Variants in EXOC4 observed in about 807,000 individuals in gnomAD.
EXOC4 encodes the protein exocyst complex component 4, also known as SEC8-like 1.
In EXOC4, 71 loss-of-function variants were observed where a neutral mutation model predicts 107.2. The ratio of observed to expected loss-of-function variants is 0.66; its 90% confidence interval spans 0.55 to 0.81. The LOEUF is 0.81. Ranked by LOEUF, EXOC4 falls within the 30% of genes least tolerant of loss-of-function variation. EXOC4 has a pLI of 0.00. For missense variants in EXOC4, 1,108 were observed against 1,189.6 expected (o/e 0.93, Z 1.01); for synonymous variants, 456 against 441.2 (o/e 1.03, Z -0.42).
At chr7:134,086,443 G>A in the EXOC4 span, among the ~76,000 whole-genome samples, 57 of 152,102 alleles carry the variant, frequency 3.7e-4, no homozygotes, top group Non-Finnish European at 7.4e-4. Flanking sequence ...AGTATGTAGG[G>A]GAGCAAACAT....
chr7:133,898,414 C>T (rs1293657114), intron 12 of EXOC4, among the ~76,000 whole-genome samples: 1 of 152,028 alleles, frequency 6.6e-6, no homozygotes, highest in Non-Finnish European at 1.5e-5. Flanking sequence ...GTACCAACGT[C>T]TCATCTACCA....
chr7:133,659,340 C>A (rs967471447), intron 10 of EXOC4, among the ~76,000 whole-genome samples: 9 of 151,932 alleles, frequency 5.9e-5, no homozygotes, highest in African/African-American at 2.2e-4. Flanking sequence ...CAGTTGTCTG[C>A]CTGTGTTTGC....
At chr7:133,561,144 GT>G (rs1056401229) in intron 9 of EXOC4, among the ~76,000 whole-genome samples, 2 of 152,130 alleles carry the variant, frequency 1.3e-5, no homozygotes, top group African/African-American at 4.8e-5. Flanking sequence ...CTGTTTTAGG[GT>G]ACCTCTGTTT....
chr7:133,757,169 C>T (rs981080107), intron 10 of EXOC4, among the ~76,000 whole-genome samples: 3 of 152,070 alleles, frequency 2.0e-5, no homozygotes, highest in Non-Finnish European at 2.9e-5. Context: ...GGGCCCTCTT[C>T]TTACATGGGA....
At chr7:133,503,993 A>G (rs748630716) in intron 9 of EXOC4, among the ~76,000 whole-genome samples, 90 of 150,764 alleles carry the variant, frequency 6.0e-4, no homozygotes, top group East Asian at 9.7e-4. Context: ...ATATGTGTGT[A>G]TATATATATA....
intron 9 of EXOC4, among the ~76,000 whole-genome samples, chr7:133,498,528 T>C (rs1730975542): frequency 2.0e-5 from 3 of 152,128 alleles, no homozygotes. Context: ...GAGCTTGCAG[T>C]GAGCCGAGAT....
rs10224976 is a variant in EXOC4, at chr7:133,540,500, G to T, written c.1417+60362G>T. Among the ~76,000 whole-genome samples, 263 of 152,264 alleles carry T rather than the reference G, an allele frequency of 1.7e-3. 2 individuals carry two copies. Among genetic ancestry groups the T allele is most frequent in the African/African-American group, 5.9e-3 (244 of 41,554 alleles). ...ACACTAATAAGTTTTCCATGCATGG[G>T]TTCATTTTTATAACCAATTGCTAAA... On this transcript the variant is annotated intron_variant, in intron 9 of 17. Coordinates refer to ENST00000253861, the MANE Select transcript of EXOC4 (RefSeq NM_021807.4).
rs560298045 is a variant in EXOC4, at chr7:133,621,066, A to C, written c.1418-8979A>C. ...CATTTTCAGACTCCATTATAGAAAC[A>C]TTGGGCACTGCTGCTAATGGATCCT... is the stretch of plus-strand genomic sequence containing the variant. On this transcript the variant is annotated intron_variant, in intron 9 of 17. Coordinates refer to ENST00000253861, the MANE Select transcript of EXOC4 (RefSeq NM_021807.4). Among the ~76,000 whole-genome samples, 3 of 152,306 alleles carry C rather than the reference A, an allele frequency of 2.0e-5. No homozygotes were observed. In the South Asian group the frequency reaches 6.2e-4, roughly 32 times the overall value.
At chr7:133,836,826 T>G (rs1797928313) in intron 11 of EXOC4, among the ~76,000 whole-genome samples, 1 of 152,172 alleles carries the variant, frequency 6.6e-6, no homozygotes, top group East Asian at 1.9e-4. Flanking sequence ...TTATGTTGGA[T>G]GCTTTATTTT....
At chr7:133,878,792 T>G (rs572920783) in intron 11 of EXOC4, among the ~76,000 whole-genome samples, 1 of 152,266 alleles carries the variant, frequency 6.6e-6, no homozygotes, top group South Asian at 2.1e-4. Flanking sequence ...GGCGCGATCT[T>G]GGCTCACTGC....
chr7:133,520,814 C>T (rs981926029), intron 9 of EXOC4, among the ~76,000 whole-genome samples: 2 of 152,038 alleles, frequency 1.3e-5, no homozygotes, highest in Non-Finnish European at 2.9e-5. Flanking sequence ...CTTTCTCTAT[C>T]GCCTTCTCCA....
intron 10 of EXOC4, among the ~76,000 whole-genome samples, chr7:133,648,253 C>G (rs1803042449): frequency 6.6e-6 from 1 of 152,160 alleles, no homozygotes; most frequent in Non-Finnish European, 1.5e-5. Flanking sequence ...TGTGATTCCC[C>G]TGTTAGCATA....
Position 134,065,017 on chromosome 7 carries a change from C to G in EXOC4, c.*489C>G, listed in dbSNP as rs550963557. The G allele has an allele frequency of 6.5e-6, 1 of 152,748 alleles. No homozygotes were observed. The highest frequency in any genetic ancestry group is 1.5e-5 in the Non-Finnish European group (1 of 68,038). The allele number at this position is 152,748 out of a possible 1,614,324, so 9.5% of individuals were successfully genotyped here. A position where few individuals can be genotyped will look rare whatever the true frequency, so the allele number is the denominator to read the frequency against. ...GAAATAAGTGTATGTGCATTGCTGT[C>G]TGTCTCTATTGCCAAAATCAAATAA... On this transcript the variant is annotated 3_prime_UTR_variant, in exon 18 of 18. Transcript: ENST00000253861.
intron 10 of EXOC4, among the ~76,000 whole-genome samples, chr7:133,634,523 T>C (rs982578156): frequency 6.6e-6 from 1 of 152,126 alleles, no homozygotes; most frequent in Non-Finnish European, 1.5e-5. Flanking sequence ...GGAGTCTCAC[T>C]CTGTCGCCCA....
At chr7:133,490,031 T>G (rs1799341942) in intron 9 of EXOC4, among the ~76,000 whole-genome samples, 1 of 152,182 alleles carries the variant, frequency 6.6e-6, no homozygotes, top group African/African-American at 2.4e-5. Context: ...TGTCTTTCTC[T>G]CCCAGCCCAG....
chr7:133,347,157 T>A (rs1795801048), intron 5 of EXOC4, among the ~76,000 whole-genome samples: 1 of 152,288 alleles, frequency 6.6e-6, no homozygotes, highest in Non-Finnish European at 1.5e-5. Flanking sequence ...TTTTATATGT[T>A]ATTTTTTAAG....
chr7:133,510,902 C>T (rs927457088), intron 9 of EXOC4, among the ~76,000 whole-genome samples: 1 of 152,086 alleles, frequency 6.6e-6, no homozygotes, highest in Admixed American at 6.6e-5. Context: ...CAAGTAAGAA[C>T]CATCTTAAAG....
At chr7:133,759,563 T>C (rs912316282) in intron 10 of EXOC4, among the ~76,000 whole-genome samples, 7 of 152,202 alleles carry the variant, frequency 4.6e-5, no homozygotes. Flanking sequence ...CATAACTTTT[T>C]CATGGTTACA....
intron 12 of EXOC4, among the ~76,000 whole-genome samples, chr7:133,898,015 A>G (rs1799358778): frequency 1.3e-5 from 2 of 148,784 alleles, no homozygotes; most frequent in Non-Finnish European, 3.0e-5. Context: ...ACCCACCCCA[A>G]TCCCCCAGCC....
Sources: allele counts gnomAD v4.1 joint callset (sites outside exome capture counted in the v4.1 genomes callset), GRCh38; gene constraint gnomAD v4.1.1; transcripts MANE v1.5; gene names NCBI Gene and HGNC (gene_info 2026-07-23, HGNC 2026-07-21).